Variants in MICAL3 observed in about 807,000 individuals in gnomAD.
MICAL3 encodes the protein microtubule associated monooxygenase, calponin and LIM domain containing 3, also known as [F-actin]-monooxygenase MICAL3.
MICAL3 carries 62 observed loss-of-function variants against 207.4 expected under a neutral mutation model. The observed-to-expected ratio is 0.30, with a 90% CI of 0.24 to 0.37. The LOEUF is 0.37. Ranked by LOEUF, MICAL3 falls within the 10% of genes least tolerant of loss-of-function variation. The probability of loss-of-function intolerance (pLI) is 1.00; values close to 1 mark genes in which losing one functional copy is unlikely to be tolerated. For synonymous variants in MICAL3, 1,077 were observed against 1,069.3 expected (o/e 1.01, Z -0.14); for missense variants, 2,368 against 2,635.6 (o/e 0.90, Z 2.22).
rs2061850362 is a variant in MICAL3, at chr22:17,793,939, A to G, written c.5651-2638T>C. ...CAGAGGACAAAAAGCATAAAAAGTG[A>G]GAAAGGAACAACAGGAGGAAAAGAA... is the stretch of plus-strand genomic sequence containing the variant. On this transcript the variant is annotated intron_variant, in intron 29 of 31. Coordinates refer to ENST00000441493, the MANE Select transcript of MICAL3 (RefSeq NM_015241.3). This position sits in a 1 kb window ranked among gnomAD's most constrained non-coding sequence, Gnocchi z 4.1. 1 of 152,288 alleles carries G rather than the reference A, an allele frequency of 6.6e-6. No individual in the cohort carries two copies. 9.4% of individuals were successfully genotyped at this position (152,288 alleles called of 1,614,324 possible).
At chr22:17,881,499 C>T (rs554395897) in intron 16 of MICAL3, among the ~76,000 whole-genome samples, 1 of 152,304 alleles carries the variant, frequency 6.6e-6, no homozygotes, top group Non-Finnish European at 1.5e-5. Context: ...ATAGGCACAG[C>T]CACAGGGGTG....
intron 20 of MICAL3, among the ~76,000 whole-genome samples, chr22:17,833,019 C>A (rs1922971419): frequency 6.6e-6 from 1 of 152,190 alleles, no homozygotes; most frequent in Non-Finnish European, 1.5e-5. Context: ...AAGCACTCCC[C>A]TCACAGCTGC....
intron 1 of MICAL3, among the ~76,000 whole-genome samples, chr22:17,965,258 T>C (rs2146395342): frequency 6.6e-6 from 1 of 151,914 alleles, no homozygotes; most frequent in African/African-American, 2.4e-5. Flanking sequence ...AGTCCTTCTG[T>C]ATCAGAAAGC....
chr22:17,869,449 G>A lies in MICAL3; in HGVS notation c.2428+2388C>T, dbSNP rs574698917. 3.9e-5 allele frequency among the ~76,000 whole-genome samples: 6 copies of A among 152,226 alleles called. No homozygotes were observed. The South Asian group carries it at 8.3e-4, about 21-fold the overall frequency. ...TGCACACACCACCTGTGGAGGTAGC[G>A]TATGTCTCTTCTCAAGATGACAGGG... On this transcript the variant is annotated intron_variant, in intron 17 of 31. Transcript: ENST00000441493.
At chr22:17,973,972 GCTC>G (rs1362905294) in intron 1 of MICAL3, among the ~76,000 whole-genome samples, 2 of 152,152 alleles carry the variant, frequency 1.3e-5, no homozygotes, top group Non-Finnish European at 1.5e-5. Context: ...AGTCCCCTGA[GCTC>G]CTCCTCCTAT....
At chr22:17,965,183 CA>C (rs370246938) in intron 1 of MICAL3, among the ~76,000 whole-genome samples, 5,244 of 105,566 alleles carry the variant, frequency 0.05, 244 homozygotes, top group African/African-American at 0.16. Flanking sequence ...ACCCCGTCTC[CA>C]AAAAAAAAAA....
intron 16 of MICAL3, chr22:17,875,572 G>A (rs1216591288): frequency 1.4e-6 from 2 of 1,476,890 alleles, no homozygotes; most frequent in South Asian, 1.2e-5. Flanking sequence ...ATACAAGATG[G>A]AGAAAAACAA....
chr22:17,962,379 G>A (rs1934951169), intron 1 of MICAL3, among the ~76,000 whole-genome samples: 1 of 152,234 alleles, frequency 6.6e-6, no homozygotes, highest in Admixed American at 6.5e-5. Flanking sequence ...GCACTCGCAG[G>A]CTGGGCAGAG....
intron 1 of MICAL3, among the ~76,000 whole-genome samples, chr22:17,936,352 A>C (rs756241356): frequency 3.3e-5 from 5 of 151,930 alleles, no homozygotes; most frequent in Non-Finnish European, 7.4e-5. Context: ...GCACGTTCTC[A>C]CTCATAGGTG....
rs73386349 is a variant in MICAL3 at position 17,883,499 on chromosome 22, T to C, written c.2241+2379A>G. Among the ~76,000 whole-genome samples the C allele has an allele frequency of 9.4e-3, 1,435 of 152,294 alleles. 23 individuals are homozygous for C. The highest frequency in any genetic ancestry group is 0.033 in the African/African-American group (1,381 of 41,556). On this transcript the variant is annotated intron_variant, in intron 16 of 31. Coordinates refer to ENST00000441493, the MANE Select transcript of MICAL3 (RefSeq NM_015241.3). ...ACTGACGGCATCCAGGGCCCACTCATGGCCCTCTCAGCATCTCAGCAGACC... is the reference window on the plus strand; with the variant it reads ...ACTGACGGCATCCAGGGCCCACTCACGGCCCTCTCAGCATCTCAGCAGACC...
intron 29 of MICAL3, among the ~76,000 whole-genome samples, chr22:17,805,585 A>G (rs908373016): frequency 6.6e-6 from 1 of 152,196 alleles, no homozygotes; most frequent in African/African-American, 2.4e-5. Flanking sequence ...TAAAGGAAGG[A>G]GTTTGCACTA....
chr22:17,928,344 C>A (rs1364062452), intron 1 of MICAL3, among the ~76,000 whole-genome samples: 1 of 151,824 alleles, frequency 6.6e-6, no homozygotes, highest in African/African-American at 2.4e-5. Flanking sequence ...GAGGCTGAGG[C>A]AGGAGAATGG....
chr22:18,004,746 T>C (rs1923270951), intron 1 of MICAL3: 1 of 152,148 alleles, frequency 6.6e-6, no homozygotes, highest in Non-Finnish European at 1.5e-5. Flanking sequence ...TAGTACCGTT[T>C]TGCCTTCCTG....
At chr22:17,931,187 C>T (rs1602240982) in intron 1 of MICAL3, among the ~76,000 whole-genome samples, 1 of 152,302 alleles carries the variant, frequency 6.6e-6, no homozygotes, top group Middle Eastern at 3.4e-3. Flanking sequence ...ATCCCTAACT[C>T]CCCTGACTAA....
At position 17,847,206 on chromosome 22, in the gene MICAL3, C is replaced by A. The variant is rs59908610; in HGVS notation, c.2606-5189G>T. Among the ~76,000 whole-genome samples the A allele has an allele frequency of 5.5e-4, 83 of 152,292 alleles. 3 individuals are homozygous for A. The East Asian group carries it at 0.015, about 28-fold the overall frequency. ...CTGCTGAAGACACTTCAGGGCTCCG[C>A]GCCGCTGAGAAGGGTGTCGCGTAGG... On this transcript the variant is annotated intron_variant, in intron 19 of 31. Coordinates refer to ENST00000441493, the MANE Select transcript of MICAL3 (RefSeq NM_015241.3).
chr22:17,818,151 G>T lies in MICAL3; in HGVS notation c.4510C>A (p.Pro1504Thr). 1 of 1,603,932 alleles carries T rather than the reference G, an allele frequency of 6.2e-7. No homozygotes were observed. Among genetic ancestry groups the T allele is most frequent in the Non-Finnish European group, 8.5e-7 (1 of 1,176,510 alleles). Reference sequence around the variant, plus strand: ...GACTTCCGCACCTCCTCTCTGGGGGGCTGAGCAGGCTCCCGGGGGGGCCGC... The same window carrying T: ...GACTTCCGCACCTCCTCTCTGGGGGTCTGAGCAGGCTCCCGGGGGGGCCGC... The part of the protein sequence containing the change: ...WMRPPREPAQ[P>T]PREEVRKSFV... The change falls in exon 26 of 32, where the codon CCC becomes ACC. Residue 1504 changes from proline to threonine, a missense_variant. Around this residue, in one of 4 missense-constraint regions of MICAL3, gnomAD observed 1,770 missense variants for 1,863.2 expected, o/e 0.95. Coordinates refer to ENST00000441493, the MANE Select transcript of MICAL3 (RefSeq NM_015241.3).
intron 21 of MICAL3, among the ~76,000 whole-genome samples, chr22:17,828,803 C>G (rs1922481915): frequency 6.6e-6 from 1 of 152,222 alleles, no homozygotes; most frequent in Non-Finnish European, 1.5e-5. Context: ...TCAGCAGGTG[C>G]CACCTGATCT....
chr22:17,893,711 G>A (rs529158656), intron 11 of MICAL3, 97 bp downstream of exon 11: 10 of 875,110 alleles, frequency 1.1e-5, no homozygotes, highest in East Asian at 8.0e-5. Flanking sequence ...ACAGTACTTC[G>A]GCCACTGCCT....
At position 17,866,180 on chromosome 22, in the gene MICAL3, G is replaced by C. The variant is rs57475184; in HGVS notation, c.2429-168C>G. ...CTTGTCCAGAGAAGCCAGTTCCTCC[G>C]GGTAAACTTTGATTCTAGCTCTCCT... On this transcript the variant is annotated intron_variant, in intron 17 of 31. Coordinates refer to ENST00000441493, the MANE Select transcript of MICAL3 (RefSeq NM_015241.3). Among the ~76,000 whole-genome samples, 7 of 152,292 alleles carry C rather than the reference G, an allele frequency of 4.6e-5. No homozygotes were observed. The South Asian group carries it at 6.2e-4, about 14-fold the overall frequency.
Sources: allele counts gnomAD v4.1 joint callset (sites outside exome capture counted in the v4.1 genomes callset), GRCh38; gene constraint gnomAD v4.1.1; regional missense constraint gnomAD v4.1.1; non-coding constraint Gnocchi (gnomAD v3.1); transcripts MANE v1.5; gene names NCBI Gene and HGNC (gene_info 2026-07-23, HGNC 2026-07-21).